The following TMEM132D variants were observed in gnomAD, a reference collection of about 807,000 sequenced individuals.
TMEM132D encodes transmembrane protein 132D.
Under a neutral mutation model 62.3 loss-of-function variants are expected in TMEM132D, and 21 were observed. The ratio of observed to expected loss-of-function variants is 0.34; its 90% CI spans 0.24 to 0.49. TMEM132D has a LOEUF of 0.49. TMEM132D is among the 20% of genes least tolerant of loss of function. TMEM132D has a pLI of 0.99. For missense variants in TMEM132D, 1,346 were observed against 1,402.8 expected, an observed-to-expected ratio of 0.96 and a Z score of 0.65; for synonymous variants, 621 against 575.6, an observed-to-expected ratio of 1.08 and a Z score of -1.13.
At chr12:129,270,298 AATCTG>A (rs1389014999) in intron 4 of TMEM132D, among the ~76,000 whole-genome samples, 3 of 152,202 alleles carry the variant, frequency 2.0e-5, no homozygotes, top group African/African-American at 7.2e-5. Context: ...AGCTCTCACA[AATCTG>A]GTCTGGTTAC....
At chr12:129,195,076 G>A (rs970862140) in intron 5 of TMEM132D, among the ~76,000 whole-genome samples, 5 of 152,216 alleles carry the variant, frequency 3.3e-5, no homozygotes, top group Non-Finnish European at 7.3e-5. Flanking sequence ...AATATAGGAA[G>A]GCTTTGGTGA....
intron 3 of TMEM132D, among the ~76,000 whole-genome samples, chr12:129,489,702 T>C (rs1874703579): frequency 1.3e-5 from 2 of 152,234 alleles, no homozygotes; most frequent in Admixed American, 6.5e-5. Flanking sequence ...TTCTAAAATA[T>C]ACAAATACTC....
At chr12:129,332,419 C>T (rs996454682) in intron 4 of TMEM132D, among the ~76,000 whole-genome samples, 1 of 152,100 alleles carries the variant, frequency 6.6e-6, no homozygotes, top group East Asian at 1.9e-4. Flanking sequence ...TCGATGCAAG[C>T]ACCTGGCGGC....
intron 4 of TMEM132D, among the ~76,000 whole-genome samples, chr12:129,224,263 T>A (rs1437277541): frequency 6.6e-6 from 1 of 152,358 alleles, no homozygotes; most frequent in African/African-American, 2.4e-5. Flanking sequence ...AGCTCTTCAC[T>A]GACCTTGCCA....
At chr12:129,505,266 G>A (rs11834866) in intron 3 of TMEM132D, among the ~76,000 whole-genome samples, 1,659 of 150,338 alleles carry the variant, frequency 0.011, 33 homozygotes, top group African/African-American at 0.038. Context: ...TTTTTGAGAC[G>A]GAGTCTCATT....
chr12:129,264,347 C>T (rs914692006), intron 4 of TMEM132D, among the ~76,000 whole-genome samples: 4 of 152,128 alleles, frequency 2.6e-5, no homozygotes, highest in Non-Finnish European at 5.9e-5. Flanking sequence ...AGAGATTGTG[C>T]CACTGCACTC....
chr12:129,613,937 C>A (rs997740902), intron 2 of TMEM132D, among the ~76,000 whole-genome samples: 5 of 152,030 alleles, frequency 3.3e-5, no homozygotes, highest in Admixed American at 2.0e-4. Context: ...TCTGCAGAAT[C>A]CAGGCAACTG....
chr12:129,158,851 G>A (rs1313634107), intron 5 of TMEM132D, among the ~76,000 whole-genome samples: 2 of 152,160 alleles, frequency 1.3e-5, no homozygotes, highest in Non-Finnish European at 2.9e-5. Context: ...TGGCTGGGGA[G>A]GTCTCAGGAA....
At chr12:129,817,682 GGTGT>G (rs557030033) in intron 1 of TMEM132D, among the ~76,000 whole-genome samples, 3 of 143,014 alleles carry the variant, frequency 2.1e-5, no homozygotes, top group Admixed American at 7.1e-5. Flanking sequence ...ATGTGTGGGG[GGTGT>G]GTATGTGTGT....
chr12:129,629,210 G>C (rs1231226063), intron 2 of TMEM132D, among the ~76,000 whole-genome samples: 1 of 152,088 alleles, frequency 6.6e-6, no homozygotes, highest in Non-Finnish European at 1.5e-5. Flanking sequence ...TTCTCTTCCA[G>C]ATCCTGTTTG....
intron 2 of TMEM132D, among the ~76,000 whole-genome samples, chr12:129,560,683 T>C (rs967813787): frequency 1.3e-5 from 2 of 152,234 alleles, no homozygotes; most frequent in Non-Finnish European, 2.9e-5. Flanking sequence ...TAGCTTATGC[T>C]GTGGTAACAA....
In TMEM132D at chr12:129,642,073, C is replaced by A. The variant is rs541872364; in HGVS notation, c.968+57737G>T. 7.8e-3 allele frequency among the ~76,000 whole-genome samples: 1,188 copies of A among 152,000 alleles called. 10 individuals are homozygous for A. Among genetic ancestry groups the A allele is most frequent in the African/African-American group, 0.027 (1,115 of 41,458 alleles). On this transcript the variant is annotated intron_variant, in intron 2 of 8. Coordinates refer to ENST00000422113, the MANE Select transcript of TMEM132D (RefSeq NM_133448.3). The stretch of plus-strand genomic sequence containing the variant: ...GATGACAGTATTCCTAGCAGAGAGA[C>A]GGGACGCTAGCCAGGAGGCCTGCAG...
chr12:129,131,769 C>T (rs1876381465), intron 5 of TMEM132D, among the ~76,000 whole-genome samples: 1 of 152,166 alleles, frequency 6.6e-6, no homozygotes, highest in Non-Finnish European at 1.5e-5. Context: ...TCACACTCGA[C>T]TTTTCTGAAC....
intron 3 of TMEM132D, among the ~76,000 whole-genome samples, chr12:129,496,152 T>C (rs1874949195): frequency 1.3e-5 from 2 of 152,182 alleles, no homozygotes; most frequent in Admixed American, 6.5e-5. Context: ...GAATACTTTC[T>C]TGAGTGAGTT....
At chr12:129,846,251 C>T (rs2137348687) in intron 1 of TMEM132D, among the ~76,000 whole-genome samples, 1 of 152,306 alleles carries the variant, frequency 6.6e-6, no homozygotes, top group Non-Finnish European at 1.5e-5. Flanking sequence ...GCCTTTCATT[C>T]ATTCCTGCAT....
At chr12:129,711,157 T>C (rs1182338300) in intron 1 of TMEM132D, among the ~76,000 whole-genome samples, 1 of 152,158 alleles carries the variant, frequency 6.6e-6, no homozygotes, top group African/African-American at 2.4e-5. Flanking sequence ...GCCCCCTAAA[T>C]ACACTTGCAT....
chr12:129,668,753 G>A (rs182660077), intron 2 of TMEM132D, among the ~76,000 whole-genome samples: 59 of 152,258 alleles, frequency 3.9e-4, no homozygotes, highest in Non-Finnish European at 5.9e-4. Context: ...AATTGCATAC[G>A]TGCAATAAGA....
At chr12:129,123,232 T>G (rs1876116361) in intron 5 of TMEM132D, among the ~76,000 whole-genome samples, 1 of 152,186 alleles carries the variant, frequency 6.6e-6, no homozygotes, top group Non-Finnish European at 1.5e-5. Flanking sequence ...ATTACATAGG[T>G]GGTTCAAGCT....
At chr12:129,844,421 C>T (rs563301432) in intron 1 of TMEM132D, among the ~76,000 whole-genome samples, 4 of 152,264 alleles carry the variant, frequency 2.6e-5, no homozygotes, top group Admixed American at 6.5e-5. Context: ...CTCCACTCTC[C>T]GGATCCCCCA....
Sources: gnomAD v4.1 joint callset for allele counts (sites outside exome capture counted in the v4.1 genomes callset) on GRCh38, gnomAD v4.1.1 for gene constraint, MANE v1.5 for transcripts, NCBI Gene and HGNC (gene_info 2026-07-23, HGNC 2026-07-21) for gene names.